C2orf76: variants seen among roughly 807,000 people sequenced by gnomAD.
The protein encoded by C2orf76 is chromosome 2 open reading frame 76.
Under a neutral mutation model 16.9 loss-of-function variants are expected in C2orf76, and 23 were observed. The observed-to-expected ratio is 1.36, with a 90% CI of 0.98 to 1.93. The LOEUF is 1.93. Ranked by LOEUF, C2orf76 falls within the 30% of genes most tolerant of loss-of-function variation. The pLI is 0.00. For synonymous variants in C2orf76, 48 were observed against 52.3 expected, an observed-to-expected ratio of 0.92 and a Z score of 0.35; for missense variants, 152 against 152.6, an observed-to-expected ratio of 1.00 and a Z score of 0.02.
At chr2:119,290,403 A>G in the C2orf76 span, among the ~76,000 whole-genome samples, 2 of 152,098 alleles carry the variant, frequency 1.3e-5, no homozygotes, top group Non-Finnish European at 2.9e-5. Context: ...TTGACACATT[A>G]TTAGTCTTCT....
At chr2:119,291,435 G>A in the C2orf76 span, among the ~76,000 whole-genome samples, 5 of 151,788 alleles carry the variant, frequency 3.3e-5, no homozygotes, top group African/African-American at 9.7e-5. Flanking sequence ...TTAAAGTGCC[G>A]GCTGTTGTTA....
At chr2:119,365,231 C>T (rs182577478) in intron 1 of C2orf76, among the ~76,000 whole-genome samples, 16 of 152,292 alleles carry the variant, frequency 1.1e-4, no homozygotes, top group African/African-American at 3.8e-4. Context: ...GCAAATCTGG[C>T]CCACACAAGC....
chr2:119,311,979 C>T (rs1679006895), intron 4 of C2orf76, among the ~76,000 whole-genome samples: 1 of 152,148 alleles, frequency 6.6e-6, no homozygotes, highest in Non-Finnish European at 1.5e-5. Context: ...GTGTTCTCAA[C>T]AAGCTACACA....
intron 4 of C2orf76, among the ~76,000 whole-genome samples, chr2:119,315,209 C>A (rs1261069664): frequency 6.6e-6 from 1 of 152,022 alleles, no homozygotes; most frequent in Admixed American, 6.6e-5. Flanking sequence ...CACACACACA[C>A]AGAGGAGGCT....
chr2:119,334,331 AC>A (rs1340926192), intron 2 of C2orf76, among the ~76,000 whole-genome samples: 1 of 149,838 alleles, frequency 6.7e-6, no homozygotes, highest in African/African-American at 2.5e-5. Flanking sequence ...TTTGTCAAAA[AC>A]CCAAAGAACT....
chr2:119,366,202 G>C (rs1193040254), intron 1 of C2orf76, among the ~76,000 whole-genome samples: 1 of 152,128 alleles, frequency 6.6e-6, no homozygotes, highest in East Asian at 1.9e-4. Flanking sequence ...CACCCGCTTT[G>C]TTCACTGCTG....
intron 5 of C2orf76, among the ~76,000 whole-genome samples, chr2:119,304,635 G>A (rs1191173746): frequency 6.6e-6 from 1 of 152,076 alleles, no homozygotes; most frequent in Admixed American, 6.5e-5. Flanking sequence ...AATACTTCAG[G>A]CTGATTTAAA....
At chr2:119,351,636 C>G (rs922669485) in intron 1 of C2orf76, among the ~76,000 whole-genome samples, 1 of 152,016 alleles carries the variant, frequency 6.6e-6, no homozygotes, top group African/African-American at 2.4e-5. Context: ...TGCCTGTAAT[C>G]CCAGCTACTC....
At chr2:119,346,995 A>C (rs1253995950) in intron 1 of C2orf76, among the ~76,000 whole-genome samples, 1 of 152,242 alleles carries the variant, frequency 6.6e-6, no homozygotes, top group Non-Finnish European at 1.5e-5. Context: ...CCAAAATAAA[A>C]AAATTCCAAA....
chr2:119,291,700 G>A, the C2orf76 span, among the ~76,000 whole-genome samples: 1 of 152,036 alleles, frequency 6.6e-6, no homozygotes, highest in Non-Finnish European at 1.5e-5. Context: ...CCCCTGCCTT[G>A]TAGGAAGAGG....
At chr2:119,322,974 A>G (rs1679394603) in intron 2 of C2orf76, among the ~76,000 whole-genome samples, 1 of 152,126 alleles carries the variant, frequency 6.6e-6, no homozygotes, top group Admixed American at 6.6e-5. Context: ...GTTACCTACT[A>G]AAGAAAAGTA....
intron 2 of C2orf76, among the ~76,000 whole-genome samples, chr2:119,334,288 G>A (rs1229332370): frequency 2.0e-5 from 3 of 147,982 alleles, no homozygotes; most frequent in East Asian, 2.0e-4. Flanking sequence ...TATTCTGTAC[G>A]GCACTGTAAG....
intron 2 of C2orf76, among the ~76,000 whole-genome samples, chr2:119,328,211 T>C (rs1679571163): frequency 6.6e-6 from 1 of 152,184 alleles, no homozygotes; most frequent in Non-Finnish European, 1.5e-5. Flanking sequence ...ATTTCTTTCT[T>C]AAAAATATGG....
intron 1 of C2orf76, among the ~76,000 whole-genome samples, chr2:119,344,861 C>T (rs988631893): frequency 6.6e-6 from 1 of 152,056 alleles, no homozygotes; most frequent in Admixed American, 6.5e-5. Context: ...AGAAGTCAGA[C>T]TTAAGATTAT....
At chr2:119,310,326 T>C (rs556304228) in intron 5 of C2orf76, among the ~76,000 whole-genome samples, 114 of 152,160 alleles carry the variant, frequency 7.5e-4, no homozygotes, top group Non-Finnish European at 1.2e-3. Flanking sequence ...TTAAAATCAT[T>C]CTTCAAAATA....
intron 3 of C2orf76, among the ~76,000 whole-genome samples, chr2:119,319,015 C>A (rs1679263289): frequency 6.6e-6 from 1 of 151,692 alleles, no homozygotes; most frequent in South Asian, 2.1e-4. Flanking sequence ...TTCCAAATTA[C>A]CTATCATGTC....
At chr2:119,287,482 C>T in the C2orf76 span, among the ~76,000 whole-genome samples, 1 of 151,678 alleles carries the variant, frequency 6.6e-6, no homozygotes, top group South Asian at 2.1e-4. Flanking sequence ...AAGTATACAA[C>T]TTTAGAGGGT....
chr2:119,338,362 G>A (rs552876469), intron 2 of C2orf76, among the ~76,000 whole-genome samples: 1 of 152,346 alleles, frequency 6.6e-6, no homozygotes. Flanking sequence ...TCAGTCTGGA[G>A]ACAGCACAAG....
chr2:119,311,492 G>A (rs1385437984), intron 5 of C2orf76, 130 bp downstream of exon 5: 7 of 1,444,674 alleles, frequency 4.8e-6, no homozygotes, highest in Non-Finnish European at 6.3e-6. Context: ...CCTCTGAACA[G>A]TTACCGGGCA....
Sources: allele counts gnomAD v4.1 joint callset (sites outside exome capture counted in the v4.1 genomes callset), GRCh38; gene constraint gnomAD v4.1.1; transcripts MANE v1.5; gene names NCBI Gene and HGNC (gene_info 2026-07-23, HGNC 2026-07-21).